The following LRP5 variants were observed in gnomAD, a reference collection of about 807,000 sequenced individuals.
LRP5 encodes the protein low-density lipoprotein receptor-related protein 5.
A neutral mutation model predicts 154.1 loss-of-function variants in LRP5; 62 were observed. That is an observed-to-expected ratio of 0.40 (90% confidence interval 0.33 to 0.50). The LOEUF (loss-of-function observed/expected upper bound fraction) is 0.50, where lower values mean the gene tolerates loss of function less well. LRP5 is among the 20% of genes least tolerant of loss of function. The pLI is 0.55. For missense variants in LRP5, 1,915 were observed against 2,336.7 expected, an observed-to-expected ratio of 0.82 and a Z score of 3.72; for synonymous variants, 966 against 1,011.5, an observed-to-expected ratio of 0.96 and a Z score of 0.85.
At chr11:68,437,539 C>G (rs1437341655) in intron 19 of LRP5, among the ~76,000 whole-genome samples, 1 of 152,254 alleles carries the variant, frequency 6.6e-6, no homozygotes, top group Non-Finnish European at 1.5e-5. Context: ...CTGTCTGATT[C>G]AGGCAGGAAG....
At chr11:68,416,548 G>C (rs375689193) in intron 13 of LRP5, 21 bp downstream of exon 13, 1 of 1,611,910 alleles carries the variant, frequency 6.2e-7, no homozygotes, top group African/African-American at 1.3e-5. Flanking sequence ...TGTGGGAAGG[G>C]TGCGGGGTGT....
chr11:68,431,480 T>TC (rs2098671879), intron 17 of LRP5, among the ~76,000 whole-genome samples: 1 of 152,056 alleles, frequency 6.6e-6, no homozygotes, highest in Non-Finnish European at 1.5e-5. Context: ...CCTCAGGTGA[T>TC]CCGCCCACCT....
At chr11:68,376,181 T>C (rs1475764766) in intron 5 of LRP5, among the ~76,000 whole-genome samples, 2 of 147,930 alleles carry the variant, frequency 1.4e-5, no homozygotes, top group Non-Finnish European at 3.0e-5. Flanking sequence ...CTTTTTTTTT[T>C]TTTTTTTTTT....
chr11:68,302,944 A>G, the LRP5 span, among the ~76,000 whole-genome samples: 3 of 152,158 alleles, frequency 2.0e-5, no homozygotes, highest in Admixed American at 2.0e-4. Context: ...TAAACCCACA[A>G]GGCCCCAGAG....
At chr11:68,376,227 G>A (rs1408075042) in intron 5 of LRP5, among the ~76,000 whole-genome samples, 2 of 146,334 alleles carry the variant, frequency 1.4e-5, no homozygotes, top group East Asian at 4.0e-4. Context: ...TGTCACCTAG[G>A]CTGGAGTGCA....
intron 1 of LRP5, among the ~76,000 whole-genome samples, chr11:68,318,244 C>T (rs184935552): frequency 1.3e-3 from 201 of 151,552 alleles, no homozygotes; most frequent in African/African-American, 4.5e-3. Context: ...TTAGTAGAGA[C>T]GGGGTTTCAC....
At chr11:68,299,039 C>T in the LRP5 span, among the ~76,000 whole-genome samples, 1 of 152,206 alleles carries the variant, frequency 6.6e-6, no homozygotes, top group East Asian at 1.9e-4. Context: ...CCCGATCTTG[C>T]CCCTACAGCC....
chr11:68,306,420 G>A, the LRP5 span, among the ~76,000 whole-genome samples: 1 of 152,194 alleles, frequency 6.6e-6, no homozygotes, highest in Non-Finnish European at 1.5e-5. Flanking sequence ...ACAGGCTTGA[G>A]CCACTGTGCC....
At chr11:68,374,097 C>CAG (rs2098635970) in intron 5 of LRP5, among the ~76,000 whole-genome samples, 1 of 152,194 alleles carries the variant, frequency 6.6e-6, no homozygotes, top group Admixed American at 6.5e-5. Flanking sequence ...GTTCGTCTGT[C>CAG]AGGGACAGGA....
chr11:68,425,891 T>C (rs2098668474), intron 15 of LRP5, 87 bp from the exon 16 acceptor site: 14 of 1,188,558 alleles, frequency 1.2e-5, no homozygotes, highest in Non-Finnish European at 1.7e-5. Flanking sequence ...TCCCTGGCAG[T>C]CCTGTCAACC....
chr11:68,443,552 T>C (rs1389614525), intron 21 of LRP5, among the ~76,000 whole-genome samples: 1 of 27,844 alleles, frequency 3.6e-5, no homozygotes, highest in Non-Finnish European at 6.7e-5. Context: ...GGCATATATA[T>C]ATATATATAT....
intron 10 of LRP5, among the ~76,000 whole-genome samples, chr11:68,410,404 C>T (rs950463872): frequency 6.6e-6 from 1 of 152,130 alleles, no homozygotes. Context: ...ATGGAGCCTG[C>T]GTAGGGTGGG....
intron 21 of LRP5, among the ~76,000 whole-genome samples, chr11:68,441,816 A>T (rs1214354276): frequency 6.6e-6 from 1 of 152,240 alleles, no homozygotes; most frequent in Non-Finnish European, 1.5e-5. Context: ...GTATTCACAG[A>T]TGTGTGCAAC....
intron 18 of LRP5, among the ~76,000 whole-genome samples, chr11:68,436,296 G>T (rs539925822): frequency 1.3e-5 from 2 of 152,316 alleles, no homozygotes; most frequent in South Asian, 2.1e-4. Context: ...CAAGTTCTCT[G>T]GGGGCAGGCG....
At chr11:68,392,775 C>G (rs181025074) in intron 7 of LRP5, among the ~76,000 whole-genome samples, 10 of 152,240 alleles carry the variant, frequency 6.6e-5, no homozygotes, top group Admixed American at 6.5e-4. Flanking sequence ...CTGCGTGTGG[C>G]TTCTTTCCAT....
At chr11:68,440,610 A>G (rs1565119250) in intron 21 of LRP5, among the ~76,000 whole-genome samples, 1 of 152,058 alleles carries the variant, frequency 6.6e-6, no homozygotes, top group Non-Finnish European at 1.5e-5. Context: ...CATGCTTTGT[A>G]TGCTTTTCAT....
Position 68,386,804 on chromosome 11 carries a change from G to A in LRP5, c.1412+92G>A. The stretch of plus-strand genomic sequence containing the variant: ...CCTGGACCTGTCATTCTGGGACACT[G>A]TCTTGCATCAGAACCCGGAGGAGGG... On this transcript the variant is annotated intron_variant, in intron 6 of 22. Transcript: ENST00000294304. The surrounding 1 kb of genome is among the most constrained non-coding windows in gnomAD (Gnocchi z 7.9). 1 of 1,413,134 alleles carries A rather than the reference G, an allele frequency of 7.1e-7. No individual in the cohort carries two copies. Among genetic ancestry groups the A allele is most frequent in the Non-Finnish European group, 9.5e-7 (1 of 1,049,860 alleles). 87.5% of individuals were successfully genotyped at this position (1,413,134 alleles called of 1,614,324 possible).
chr11:68,330,470 G>T (rs2098602124), intron 1 of LRP5, among the ~76,000 whole-genome samples: 1 of 152,188 alleles, frequency 6.6e-6, no homozygotes, highest in Non-Finnish European at 1.5e-5. Flanking sequence ...TCCGGTGCAT[G>T]GATGTTCCCT....
chr11:68,311,609 G>A (rs1716731137), upstream of LRP5, among the ~76,000 whole-genome samples: 1 of 152,230 alleles, frequency 6.6e-6, no homozygotes, highest in African/African-American at 2.4e-5. Flanking sequence ...CATGAGGGCA[G>A]AGGCGTTCAG....
Sources: allele counts gnomAD v4.1 joint callset (sites outside exome capture counted in the v4.1 genomes callset), GRCh38; gene constraint gnomAD v4.1.1; non-coding constraint Gnocchi (gnomAD v3.1); transcripts MANE v1.5; gene names NCBI Gene and HGNC (gene_info 2026-07-23, HGNC 2026-07-21).